TRPM3: variants seen among roughly 807,000 people sequenced by gnomAD.
TRPM3 encodes transient receptor potential cation channel subfamily M member 3.
A neutral mutation model predicts 181.2 loss-of-function variants in TRPM3; 77 were observed. That is an observed-to-expected ratio of 0.42 (90% confidence interval 0.35 to 0.51). The LOEUF is 0.51. Ranked by LOEUF, TRPM3 falls within the 20% of genes least tolerant of loss-of-function variation. The probability of loss-of-function intolerance (pLI) is 0.01; values close to 1 mark genes in which losing one functional copy is unlikely to be tolerated. For synonymous variants in TRPM3, 745 were observed against 796.4 expected (o/e 0.94, Z 1.09); for missense variants, 1,759 against 2,196.7 (o/e 0.80, Z 3.98).
intron 3 of TRPM3, among the ~76,000 whole-genome samples, chr9:70,858,587 G>A (rs765239460): frequency 2.2e-4 from 34 of 151,934 alleles, no homozygotes; most frequent in South Asian, 6.2e-4. Context: ...TTAAATATTC[G>A]GTAGTAATAA....
intron 1 of TRPM3, among the ~76,000 whole-genome samples, chr9:71,047,247 A>G (rs533509733): frequency 1.3e-5 from 2 of 152,186 alleles, no homozygotes; most frequent in Admixed American, 6.5e-5. Flanking sequence ...ACCACTAGAG[A>G]TTATTAGGAA....
At chr9:70,900,273 G>A (rs898104156) in intron 1 of TRPM3, among the ~76,000 whole-genome samples, 1 of 152,030 alleles carries the variant, frequency 6.6e-6, no homozygotes, top group Non-Finnish European at 1.5e-5. Flanking sequence ...CCCAGGAGGC[G>A]GAGGTTGCAG....
intron 1 of TRPM3, among the ~76,000 whole-genome samples, chr9:71,119,255 T>C (rs1159748588): frequency 1.3e-5 from 2 of 152,196 alleles, no homozygotes; most frequent in Non-Finnish European, 2.9e-5. Context: ...TTCCATCCTG[T>C]CTTTTAGATA....
At chr9:71,147,821 G>A (rs1565276152) in intron 1 of TRPM3, among the ~76,000 whole-genome samples, 1 of 152,086 alleles carries the variant, frequency 6.6e-6, no homozygotes, top group Non-Finnish European at 1.5e-5. Flanking sequence ...GACCTCCTGG[G>A]GGAAGCGACA....
chr9:70,585,072 C>T (rs2132426506), intron 22 of TRPM3, among the ~76,000 whole-genome samples: 1 of 152,334 alleles, frequency 6.6e-6, no homozygotes, highest in Non-Finnish European at 1.5e-5. Flanking sequence ...TGTGCTTTCT[C>T]TGCCCCTCCT....
At chr9:71,061,997 A>G (rs1394537522) in intron 1 of TRPM3, among the ~76,000 whole-genome samples, 1 of 151,986 alleles carries the variant, frequency 6.6e-6, no homozygotes, top group Non-Finnish European at 1.5e-5. Context: ...CTTTGACCAC[A>G]GAAGACCTCA....
intron 1 of TRPM3, among the ~76,000 whole-genome samples, chr9:71,242,948 C>T (rs1361434111): frequency 2.0e-5 from 3 of 152,166 alleles, no homozygotes; most frequent in East Asian, 3.9e-4. Flanking sequence ...TAATACCAAA[C>T]CAGTGTAGCT....
chr9:71,346,915 C>A (rs1277539731), intron 1 of TRPM3, among the ~76,000 whole-genome samples: 1 of 152,260 alleles, frequency 6.6e-6, no homozygotes, highest in African/African-American at 2.4e-5. Context: ...AGTCAGGATA[C>A]AACATTGCTC....
At chr9:70,540,735 T>C (rs1370393656) in intron 25 of TRPM3, among the ~76,000 whole-genome samples, 1 of 152,066 alleles carries the variant, frequency 6.6e-6, no homozygotes, top group East Asian at 1.9e-4. Flanking sequence ...TATTTTATTT[T>C]TTCCTGAGAC....
intron 21 of TRPM3, among the ~76,000 whole-genome samples, chr9:70,596,686 G>A (rs1264122345): frequency 1.4e-5 from 2 of 145,400 alleles, no homozygotes; most frequent in African/African-American, 5.1e-5. Flanking sequence ...CTGCATTCCA[G>A]CCTGGGTGAC....
At chr9:70,655,938 C>T (rs996228797) in intron 9 of TRPM3, among the ~76,000 whole-genome samples, 5 of 152,126 alleles carry the variant, frequency 3.3e-5, no homozygotes, top group South Asian at 2.1e-4. Flanking sequence ...TTATATGTTG[C>T]GTACACAACG....
chr9:70,671,212 A>G lies in TRPM3; in HGVS notation c.1345+10294T>C, dbSNP rs552369806. 5.3e-5 allele frequency among the ~76,000 whole-genome samples: 8 copies of G among 152,186 alleles called. No homozygotes were observed. In the East Asian group the frequency reaches 7.7e-4, roughly 15 times the overall value. On this transcript the variant is annotated intron_variant, in intron 9 of 25. Coordinates refer to ENST00000677713, the MANE Select transcript of TRPM3 (RefSeq NM_001366145.2). ...ACTGTGTATTATTATTATTATTTCTATCTTATAGATGGGGAGACTGTGGCT... is the reference window on the plus strand; with the variant it reads ...ACTGTGTATTATTATTATTATTTCTGTCTTATAGATGGGGAGACTGTGGCT...
At chr9:70,852,553 ATTTT>A in intron 3 of TRPM3, among the ~76,000 whole-genome samples, 1 of 152,140 alleles carries the variant, frequency 6.6e-6, no homozygotes, top group Admixed American at 6.6e-5. Flanking sequence ...TTCAGTTGCC[ATTTT>A]AAGAATGTAT....
intron 25 of TRPM3, among the ~76,000 whole-genome samples, chr9:70,546,048 C>T (rs889588568): frequency 6.6e-6 from 1 of 152,040 alleles, no homozygotes; most frequent in African/African-American, 2.4e-5. Context: ...TTTGTTAAGT[C>T]GACATTGATC....
At chr9:71,079,217 C>A (rs1280437092) in intron 1 of TRPM3, among the ~76,000 whole-genome samples, 1 of 152,136 alleles carries the variant, frequency 6.6e-6, no homozygotes, top group Admixed American at 6.6e-5. Flanking sequence ...CTTGGGTAAA[C>A]CACTAGAGTA....
chr9:71,045,578 C>T (rs1449016985), intron 1 of TRPM3, among the ~76,000 whole-genome samples: 2 of 152,078 alleles, frequency 1.3e-5, no homozygotes, highest in Non-Finnish European at 2.9e-5. Flanking sequence ...TGATGGGTCT[C>T]ATTAAAGAAG....
chr9:71,150,119 T>C (rs554958172), intron 1 of TRPM3, among the ~76,000 whole-genome samples: 1 of 151,874 alleles, frequency 6.6e-6, no homozygotes, highest in East Asian at 1.9e-4. Flanking sequence ...GGCAGAAATG[T>C]TGTAGAATTT....
intron 22 of TRPM3, among the ~76,000 whole-genome samples, chr9:70,580,014 G>A (rs1004631954): frequency 1.1e-4 from 17 of 152,336 alleles, no homozygotes; most frequent in African/African-American, 3.8e-4. Context: ...TATTTTGGGG[G>A]TTGAGAGGAG....
Position 71,155,980 on chromosome 9 carries a change from G to A in TRPM3, c.183+290673C>T, listed in dbSNP as rs116337333. Among the ~76,000 whole-genome samples, 1,085 of 152,126 alleles carry A rather than the reference G, an allele frequency of 7.1e-3. 16 individuals carry two copies. Among genetic ancestry groups the A allele is most frequent in the African/African-American group, 0.024 (994 of 41,520 alleles). Reference sequence around the variant, plus strand: ...GACTGAAGTGAGCTTGGCTCATCTGGTATTAAGCTTTTGTACCTAATACAT... The same window carrying A: ...GACTGAAGTGAGCTTGGCTCATCTGATATTAAGCTTTTGTACCTAATACAT... On this transcript the variant is annotated intron_variant, in intron 1 of 24. Coordinates refer to the TRPM3 transcript ENST00000357533.
Sources: gnomAD v4.1 joint callset for allele counts (sites outside exome capture counted in the v4.1 genomes callset) on GRCh38, gnomAD v4.1.1 for gene constraint, MANE v1.5 for transcripts, NCBI Gene and HGNC (gene_info 2026-07-23, HGNC 2026-07-21) for gene names.